The following LRMDA variants were observed in gnomAD, a reference collection of about 807,000 sequenced individuals.
LRMDA encodes the protein leucine-rich melanocyte differentiation-associated protein.
LRMDA carries 18 observed loss-of-function variants against 29.8 expected under a neutral mutation model. The ratio of observed to expected loss-of-function variants is 0.60; its 90% CI spans 0.42 to 0.90. LRMDA has a LOEUF of 0.90. Among genes scored for constraint, LRMDA ranks in the 40% least tolerant of loss-of-function variants. LRMDA has a pLI of 0.00. For missense variants in LRMDA, 273 were observed against 273.9 expected (o/e 1.00, Z 0.02); for synonymous variants, 125 against 109.4 (o/e 1.14, Z -0.89).
chr10:75,468,582 G>C (rs1357666641), intron 2 of LRMDA, among the ~76,000 whole-genome samples: 1 of 152,150 alleles, frequency 6.6e-6, no homozygotes, highest in Non-Finnish European at 1.5e-5. Context: ...TGCTCTTAAG[G>C]TTCTGCACCT....
chr10:76,386,911 T>C (rs1841666390), intron 6 of LRMDA, among the ~76,000 whole-genome samples: 2 of 152,190 alleles, frequency 1.3e-5, no homozygotes, highest in East Asian at 1.9e-4. Flanking sequence ...GATGTGATTA[T>C]ACAAAACTAG....
At chr10:75,648,456 G>T (rs532826456) in intron 2 of LRMDA, among the ~76,000 whole-genome samples, 28 of 152,292 alleles carry the variant, frequency 1.8e-4, no homozygotes, top group African/African-American at 6.7e-4. Flanking sequence ...AGTAGAGACT[G>T]TGCAGGGGGC....
intron 5 of LRMDA, among the ~76,000 whole-genome samples, chr10:76,076,315 C>T (rs753988126): frequency 3.1e-5 from 4 of 127,968 alleles, no homozygotes; most frequent in Non-Finnish European, 6.2e-5. Context: ...CACTGCACTC[C>T]AGCCTGGGCG....
chr10:76,018,718 C>T (rs949013644), intron 2 of LRMDA, among the ~76,000 whole-genome samples: 1 of 96,506 alleles, frequency 1.0e-5, no homozygotes, highest in Non-Finnish European at 2.5e-5. Flanking sequence ...CAGGTGTGCG[C>T]CACCATGTGC....
At chr10:75,995,263 G>A (rs189941091) in intron 2 of LRMDA, among the ~76,000 whole-genome samples, 3 of 152,330 alleles carry the variant, frequency 2.0e-5, no homozygotes, top group Admixed American at 6.5e-5. Context: ...TCAGAAGGCA[G>A]GTGAAGTACT....
At position 75,564,232 on chromosome 10, in the gene LRMDA, C is replaced by T. The variant is rs1347694039; in HGVS notation, c.131+125738C>T. Among the ~76,000 whole-genome samples the T allele has an allele frequency of 2.6e-5, 4 of 152,200 alleles. No individual in the cohort carries two copies. In the East Asian group the frequency reaches 5.8e-4, roughly 22 times the overall value. On this transcript the variant is annotated intron_variant, in intron 2 of 6. Coordinates refer to ENST00000611255, the MANE Select transcript of LRMDA (RefSeq NM_001305581.2). Reference sequence around the variant, plus strand: ...CTTTGTTTACCTAAGCAAGCCTGGGCAATGGTGGGCGCCCCTCCCCCAGCC... The same window carrying T: ...CTTTGTTTACCTAAGCAAGCCTGGGTAATGGTGGGCGCCCCTCCCCCAGCC...
chr10:75,824,439 CAG>C (rs1329331816), intron 2 of LRMDA, among the ~76,000 whole-genome samples: 2 of 152,132 alleles, frequency 1.3e-5, no homozygotes, highest in African/African-American at 4.8e-5. Flanking sequence ...CTAGTTGCAA[CAG>C]AGACTATATA....
Position 75,601,557 on chromosome 10 carries a change from A to C in LRMDA, c.131+163063A>C, listed in dbSNP as rs78841246. Among the ~76,000 whole-genome samples, 191 of 152,300 alleles carry C rather than the reference A, an allele frequency of 1.3e-3. No homozygotes were observed. In the East Asian group the frequency reaches 0.029, roughly 23 times the overall value. ...TTTTGTTTTTTCTGGGTGGAAACAA[A>C]GGTGCAAATAAGGGAATTTTTATAT... On this transcript the variant is annotated intron_variant, in intron 2 of 6. Transcript: ENST00000611255.
intron 2 of LRMDA, among the ~76,000 whole-genome samples, chr10:75,658,048 C>G (rs7070416): frequency 0.19 from 29,188 of 151,754 alleles, 6,911 homozygotes; most frequent in African/African-American, 0.55. Flanking sequence ...AGTGTTTAGA[C>G]TTTTTTGTAC....
chr10:76,317,509 G>A (rs1840714881), intron 5 of LRMDA, among the ~76,000 whole-genome samples: 3 of 152,110 alleles, frequency 2.0e-5, no homozygotes, highest in Admixed American at 2.0e-4. Flanking sequence ...TAAATTATAA[G>A]AAGTAATTAT....
chr10:76,342,688 T>C (rs1225293370), intron 6 of LRMDA, among the ~76,000 whole-genome samples: 1 of 152,012 alleles, frequency 6.6e-6, no homozygotes. Context: ...AAGAGAAAAC[T>C]AAAATAATCC....
intron 2 of LRMDA, among the ~76,000 whole-genome samples, chr10:75,648,533 G>T (rs956373438): frequency 6.6e-6 from 1 of 152,206 alleles, no homozygotes; most frequent in African/African-American, 2.4e-5. Context: ...TATGGACCAC[G>T]TGGGCCTGGG....
At chr10:75,714,156 C>T (rs1386929423) in intron 2 of LRMDA, among the ~76,000 whole-genome samples, 1 of 152,144 alleles carries the variant, frequency 6.6e-6, no homozygotes, top group African/African-American at 2.4e-5. Context: ...GGGAGAAGGG[C>T]TGTGGACTTG....
chr10:76,527,066 A>G (rs899344436), intron 6 of LRMDA, among the ~76,000 whole-genome samples: 14 of 149,164 alleles, frequency 9.4e-5, no homozygotes, highest in Admixed American at 1.3e-4. Flanking sequence ...AAAAAAAAAA[A>G]AAGAAGAGGT....
intron 2 of LRMDA, among the ~76,000 whole-genome samples, chr10:75,697,801 T>C (rs956391102): frequency 4.6e-5 from 7 of 151,088 alleles, no homozygotes; most frequent in African/African-American, 1.5e-4. Flanking sequence ...CGTGGGCAAC[T>C]CGTTCTCTCT....
chr10:75,664,843 G>A (rs1355648996), intron 2 of LRMDA, among the ~76,000 whole-genome samples: 1 of 152,188 alleles, frequency 6.6e-6, no homozygotes, highest in African/African-American at 2.4e-5. Context: ...AATGCTTAGA[G>A]TGTCCACTGC....
intron 2 of LRMDA, among the ~76,000 whole-genome samples, chr10:75,889,661 T>C (rs1468947719): frequency 6.6e-6 from 1 of 152,190 alleles, no homozygotes; most frequent in Non-Finnish European, 1.5e-5. Context: ...AGAGCTGAAC[T>C]TGGAGAGGTG....
intron 2 of LRMDA, among the ~76,000 whole-genome samples, chr10:75,833,899 C>T (rs922986204): frequency 8.5e-5 from 13 of 152,230 alleles, no homozygotes; most frequent in Admixed American, 5.9e-4. Flanking sequence ...CAATTTTATA[C>T]GTGGCAGGGC....
chr10:75,701,836 T>A (rs1589163738), intron 2 of LRMDA, among the ~76,000 whole-genome samples: 1 of 152,280 alleles, frequency 6.6e-6, no homozygotes. Context: ...CTCAATAACC[T>A]TTGTTTCTGA....
Sources: allele counts gnomAD v4.1 joint callset (sites outside exome capture counted in the v4.1 genomes callset), GRCh38; gene constraint gnomAD v4.1.1; transcripts MANE v1.5; gene names NCBI Gene and HGNC (gene_info 2026-07-23, HGNC 2026-07-21).